The following TP53INP1 variants were observed in gnomAD, a reference collection of about 807,000 sequenced individuals.
TP53INP1 encodes tumor protein p53 inducible nuclear protein 1, also known as tumor protein p53-inducible nuclear protein 1.
TP53INP1 carries 12 observed loss-of-function variants against 21.0 expected under a neutral mutation model. The observed-to-expected ratio is 0.57, with a 90% confidence interval of 0.37 to 0.93. The LOEUF is 0.93. TP53INP1 is among the 40% of genes least tolerant of loss of function. The probability of loss-of-function intolerance (pLI) is 0.01; values close to 1 mark genes in which losing one functional copy is unlikely to be tolerated. For missense variants in TP53INP1, 274 were observed against 294.7 expected, an observed-to-expected ratio of 0.93 and a Z score of 0.51; for synonymous variants, 91 against 94.8, an observed-to-expected ratio of 0.96 and a Z score of 0.23.
At chr8:94,942,130 G>A (rs531460365) in intron 1 of TP53INP1, among the ~76,000 whole-genome samples, 7 of 151,612 alleles carry the variant, frequency 4.6e-5, no homozygotes, top group East Asian at 1.9e-4. Flanking sequence ...TCTGCCTCCC[G>A]GGTTCACGCC....
chr8:94,939,659 A>C (rs1035994192), intron 3 of TP53INP1: 1 of 727,112 alleles, frequency 1.4e-6, no homozygotes, highest in Non-Finnish European at 2.2e-6. Flanking sequence ...TGGCCTCCCA[A>C]AGTGCTGGGA....
In TP53INP1 at chr8:94,941,416, G is replaced by A. The variant is rs545763055; in HGVS notation, c.-150-325C>T. On this transcript the variant is annotated intron_variant, in intron 1 of 3. Transcript: ENST00000342697. ...CAAGCAGATGAGCAAATTCTAGATAGTAACAGTCTTGCTATATGTTATTCA... is the reference window on the plus strand; with the variant it reads ...CAAGCAGATGAGCAAATTCTAGATAATAACAGTCTTGCTATATGTTATTCA... Among the ~76,000 whole-genome samples the A allele has an allele frequency of 1.1e-4, 17 of 152,250 alleles. No individual in the cohort carries two copies. In the East Asian group the frequency reaches 3.3e-3, roughly 29 times the overall value.
At chr8:94,936,801 TGCCA>T (rs1821020642) in intron 3 of TP53INP1, among the ~76,000 whole-genome samples, 9 of 152,170 alleles carry the variant, frequency 5.9e-5, no homozygotes, top group African/African-American at 1.9e-4. Context: ...TCCCTGGAGG[TGCCA>T]TCCTGGGTTC....
rs1819951848 is a variant in TP53INP1, at chr8:94,926,974, CT to C, written c.*3504del. ...GAAACCATCCAAGATAGAAGGCCCA[CT>C]TTTAACAGAGTTTAACCAGTATTTA... On this transcript the variant is annotated 3_prime_UTR_variant, in exon 4 of 4. Coordinates refer to ENST00000342697, the MANE Select transcript of TP53INP1 (RefSeq NM_033285.4). 6.6e-6 allele frequency: 1 copy of C among 152,214 alleles called. No homozygotes were observed. The highest frequency in any genetic ancestry group is 2.4e-5 in the African/African-American group (1 of 41,454). The allele number at this position is 152,214 out of a possible 1,614,324, so 9.4% of individuals were successfully genotyped here. A position where few individuals can be genotyped will look rare whatever the true frequency, so the allele number is the denominator to read the frequency against.
Position 94,940,071 on chromosome 8 carries a change from C to T in TP53INP1, c.262G>A (p.Glu88Lys), listed in dbSNP as rs942398943. 1 of 1,614,090 alleles carries T rather than the reference C, an allele frequency of 6.2e-7. No individual in the cohort carries two copies. The highest frequency in any genetic ancestry group is 8.5e-7 in the Non-Finnish European group (1 of 1,180,046). The part of the protein sequence containing the change: ...DTSDSCFLQF[E>K]SCPMEESWFI... ...CAGCTCTCCTCCATTGGACATGACT[C>T]AAACTGGAGAAAGCAGGAATCACTT... The change falls in exon 3 of 4, where the codon GAG becomes AAG. Residue 88 changes from glutamate (E) to lysine (K), a missense_variant. Transcript: ENST00000342697.
In TP53INP1 at chr8:94,930,558, G is replaced by A; in HGVS notation, c.644C>T (p.Thr215Ile). The part of the protein sequence containing the change: ...NRNSLRRQNL[T>I]RDCHPRQVKH... ...GACTTGCCGAGGGTGGCAATCCCTG[G>A]TAAGATTTTGGCGACGAAGGCTATT... The change falls in exon 4 of 4, where the codon ACC becomes ATC. Residue 215 changes from threonine (T) to isoleucine (I), a missense_variant. Transcript: ENST00000342697. 1 of 1,614,232 alleles carries A rather than the reference G, an allele frequency of 6.2e-7. No individual in the cohort carries two copies. Among genetic ancestry groups the A allele is most frequent in the East Asian group, 2.2e-5 (1 of 44,896 alleles).
chr8:94,930,820 A>G (rs1440366271), intron 3 of TP53INP1, 92 bp from the exon 4 acceptor site: 6 of 1,399,142 alleles, frequency 4.3e-6, no homozygotes, highest in Non-Finnish European at 5.8e-6. Flanking sequence ...TTGCCACGCT[A>G]ATTTGTTTAT....
At chr8:94,942,794 AG>A (rs1242050996) in intron 1 of TP53INP1, among the ~76,000 whole-genome samples, 1 of 152,214 alleles carries the variant, frequency 6.6e-6, no homozygotes, top group East Asian at 1.9e-4. Context: ...AAGGGGGCAA[AG>A]GAACACTATG....
rs1819888656 is a variant in TP53INP1 at position 94,926,325 on chromosome 8, G to T, written c.*4154C>A. On this transcript the variant is annotated 3_prime_UTR_variant, in exon 4 of 4. Coordinates refer to ENST00000342697, the MANE Select transcript of TP53INP1 (RefSeq NM_033285.4). ...AACACATTAAGAAGGCACATGTACA[G>T]TCTACAATACTCTTCAGTCTCCCTA... The T allele has an allele frequency of 6.6e-6, 1 of 151,568 alleles. No individual in the cohort carries two copies. 9.4% of individuals were successfully genotyped at this position (151,568 alleles called of 1,614,324 possible). A position where few individuals can be genotyped will look rare whatever the true frequency, so the allele number is the denominator to read the frequency against.
rs1411672535 is a variant in TP53INP1 at position 94,926,153 on chromosome 8, C to CCAAT, written c.*4322_*4325dup. On this transcript the variant is annotated 3_prime_UTR_variant, in exon 4 of 4. Transcript: ENST00000342697. ...GTGTACAAAACTGACCATCTATGAA[C>CCAAT]CAATCAGTATAAAAAATTTCTATAA... is the stretch of plus-strand genomic sequence containing the variant. 1 of 152,444 alleles carries CCAAT rather than the reference C, an allele frequency of 6.6e-6. No homozygotes were observed. Among genetic ancestry groups the CCAAT allele is most frequent in the Non-Finnish European group, 1.5e-5 (1 of 68,020 alleles). 9.4% of individuals were successfully genotyped at this position (152,444 alleles called of 1,614,324 possible).
intron 3 of TP53INP1, among the ~76,000 whole-genome samples, chr8:94,939,103 G>A (rs1165243764): frequency 6.6e-6 from 1 of 152,200 alleles, no homozygotes; most frequent in Non-Finnish European, 1.5e-5. Flanking sequence ...ACTGTGCAGT[G>A]TGAGTATTGC....
intron 1 of TP53INP1, among the ~76,000 whole-genome samples, chr8:94,945,327 AAC>A (rs1044171895): frequency 3.3e-5 from 5 of 152,352 alleles, no homozygotes; most frequent in East Asian, 1.9e-4. Flanking sequence ...CAAAATGCAA[AAC>A]AGTTTTTATA....
chr8:94,947,924 T>C (rs972148330), intron 1 of TP53INP1, among the ~76,000 whole-genome samples: 1 of 152,244 alleles, frequency 6.6e-6, no homozygotes, highest in African/African-American at 2.4e-5. Context: ...TTCCCAGTGC[T>C]TTTCACATCT....
rs1821457082 is a variant in TP53INP1, at chr8:94,940,811, G to A, written c.112+19C>T. The A allele has an allele frequency of 6.3e-7, 1 of 1,575,424 alleles. No homozygotes were observed. Reference sequence around the variant, plus strand: ...TTTTACTGTGAAGATGAACCACCAAGTAACCAAGTGTACCTTACCTATGAA... The same window carrying A: ...TTTTACTGTGAAGATGAACCACCAAATAACCAAGTGTACCTTACCTATGAA... On this transcript the variant is annotated intron_variant, in intron 2 of 3. Coordinates refer to ENST00000342697, the MANE Select transcript of TP53INP1 (RefSeq NM_033285.4).
intron 1 of TP53INP1, among the ~76,000 whole-genome samples, chr8:94,946,102 TTC>T (rs1821961239): frequency 7.1e-5 from 7 of 97,986 alleles, no homozygotes. Flanking sequence ...GTGCCTTTTC[TTC>T]TGTTTTTTTT....
rs141469700 is a variant in TP53INP1, at chr8:94,942,036, C to T, written c.-150-945G>A. Among the ~76,000 whole-genome samples the T allele has an allele frequency of 7.4e-3, 1,116 of 151,492 alleles. 17 individuals carry two copies. The highest frequency in any genetic ancestry group is 0.026 in the African/African-American group (1,061 of 41,318). On this transcript the variant is annotated intron_variant, in intron 1 of 3. Coordinates refer to ENST00000342697, the MANE Select transcript of TP53INP1 (RefSeq NM_033285.4). ...CCAACACCCTAGCAGTCACCCTTCA[C>T]GCTTTTTTTTTTTTGAGACGGAGTC...
chr8:94,931,664 AAAAGTTAATAT>A (rs1182703490), intron 3 of TP53INP1, among the ~76,000 whole-genome samples: 1 of 152,088 alleles, frequency 6.6e-6, no homozygotes, highest in African/African-American at 2.4e-5. Flanking sequence ...ACTAATAGAA[AAAAGTTAATAT>A]AAAGAAAATT....
At chr8:94,940,589 C>G (rs1056246891) in intron 2 of TP53INP1, among the ~76,000 whole-genome samples, 9 of 152,124 alleles carry the variant, frequency 5.9e-5, no homozygotes, top group African/African-American at 2.2e-4. Context: ...AAAGGGGCTT[C>G]TAATGAAGTG....
intron 1 of TP53INP1, among the ~76,000 whole-genome samples, chr8:94,944,219 C>T (rs149259886): frequency 1.3e-5 from 2 of 152,300 alleles, no homozygotes; most frequent in Non-Finnish European, 2.9e-5. Context: ...AGGGGAGAAC[C>T]ACACAGGGGA....
Sources: gnomAD v4.1 joint callset for allele counts (sites outside exome capture counted in the v4.1 genomes callset) on GRCh38, gnomAD v4.1.1 for gene constraint, MANE v1.5 for transcripts, NCBI Gene and HGNC (gene_info 2026-07-23, HGNC 2026-07-21) for gene names.